The following CADM2 variants were observed in gnomAD, a reference collection of about 807,000 sequenced individuals.
CADM2 encodes the protein immunoglobulin superfamily member 4D.
Under a neutral mutation model 49.8 loss-of-function variants are expected in CADM2, and 12 were observed. That is an observed-to-expected ratio of 0.24 (90% CI 0.15 to 0.39). CADM2 has a LOEUF of 0.39. CADM2 is among the 10% of genes least tolerant of loss of function. The probability of loss-of-function intolerance (pLI) is 1.00; values close to 1 mark genes in which losing one functional copy is unlikely to be tolerated. For missense variants in CADM2, 378 were observed against 492.3 expected, an observed-to-expected ratio of 0.77 and a Z score of 2.20; for synonymous variants, 214 against 175.4, an observed-to-expected ratio of 1.22 and a Z score of -1.74.
At chr3:85,360,530 T>A (rs1235931667) in intron 1 of CADM2, among the ~76,000 whole-genome samples, 3 of 152,202 alleles carry the variant, frequency 2.0e-5, no homozygotes, top group Admixed American at 2.0e-4. Context: ...AGTTAAAAGT[T>A]AATATAACAA....
At chr3:85,209,361 T>C (rs924303468) in intron 1 of CADM2, among the ~76,000 whole-genome samples, 1 of 151,784 alleles carries the variant, frequency 6.6e-6, no homozygotes, top group Admixed American at 6.6e-5. Flanking sequence ...GAGGAGAGTA[T>C]TTTTTCTTTT....
At chr3:85,282,289 T>A (rs1348192839) in intron 1 of CADM2, among the ~76,000 whole-genome samples, 14 of 139,308 alleles carry the variant, frequency 1.0e-4, no homozygotes, top group African/African-American at 3.9e-4. Flanking sequence ...TTTCGGACAG[T>A]CTCACTCTGT....
intron 1 of CADM2, among the ~76,000 whole-genome samples, chr3:85,443,606 A>G (rs569704452): frequency 1.3e-5 from 2 of 152,142 alleles, no homozygotes; most frequent in East Asian, 1.9e-4. Context: ...CTCATTTTTC[A>G]TATTTCTTAT....
chr3:85,585,976 G>T (rs1375557), intron 1 of CADM2, among the ~76,000 whole-genome samples: 78,002 of 151,832 alleles, frequency 0.51, 23,047 homozygotes, highest in East Asian at 0.85. Flanking sequence ...ATATGATACT[G>T]CTTAGTGACT....
intron 2 of CADM2, among the ~76,000 whole-genome samples, chr3:85,782,493 A>G (rs1052895442): frequency 4.6e-5 from 7 of 151,616 alleles, no homozygotes; most frequent in African/African-American, 7.3e-5. Flanking sequence ...TGGCTAACAC[A>G]GTGAAACCCC....
At chr3:85,338,343 A>G (rs2045147196) in intron 1 of CADM2, among the ~76,000 whole-genome samples, 1 of 151,642 alleles carries the variant, frequency 6.6e-6, no homozygotes, top group South Asian at 2.1e-4. Flanking sequence ...GGTTAATCCA[A>G]TCCACCTTTG....
intron 1 of CADM2, among the ~76,000 whole-genome samples, chr3:85,455,007 C>T (rs890418238): frequency 1.3e-5 from 2 of 152,250 alleles, no homozygotes; most frequent in East Asian, 3.9e-4. Flanking sequence ...GATAAGGATT[C>T]ATAGTTGAAA....
At chr3:85,100,567 A>G (rs1019631113) in intron 1 of CADM2, among the ~76,000 whole-genome samples, 4 of 152,184 alleles carry the variant, frequency 2.6e-5, no homozygotes. Context: ...CACTTGCAGG[A>G]GTATTTCTAT....
chr3:85,056,245 C>A (rs140759002), intron 1 of CADM2, among the ~76,000 whole-genome samples: 2 of 151,994 alleles, frequency 1.3e-5, no homozygotes, highest in Non-Finnish European at 1.5e-5. Flanking sequence ...TAATTCATCA[C>A]AAATGAGAGT....
chr3:85,315,749 A>G (rs1179911941), intron 1 of CADM2, among the ~76,000 whole-genome samples: 1 of 152,152 alleles, frequency 6.6e-6, no homozygotes. Context: ...CAGTTTATCT[A>G]TTTCATTTAA....
At chr3:85,531,216 C>G (rs2061302126) in intron 1 of CADM2, among the ~76,000 whole-genome samples, 1 of 152,040 alleles carries the variant, frequency 6.6e-6, no homozygotes, top group African/African-American at 2.4e-5. Context: ...TTTCCCCTCA[C>G]AAGTTCCTAG....
At chr3:85,405,493 GCT>G (rs960382206) in intron 1 of CADM2, among the ~76,000 whole-genome samples, 3 of 152,066 alleles carry the variant, frequency 2.0e-5, no homozygotes, top group Admixed American at 6.6e-5. Flanking sequence ...CAAACCCTAA[GCT>G]CTCTGTGATA....
chr3:85,883,816 G>A (rs1364359814), intron 4 of CADM2, among the ~76,000 whole-genome samples: 1 of 152,108 alleles, frequency 6.6e-6, no homozygotes, highest in African/African-American at 2.4e-5. Context: ...AGTTCAACTT[G>A]TGTTCTATAC....
chr3:86,055,732 A>G (rs1737909478), intron 8 of CADM2, among the ~76,000 whole-genome samples: 1 of 152,104 alleles, frequency 6.6e-6, no homozygotes, highest in Non-Finnish European at 1.5e-5. Context: ...CACGTTGGTG[A>G]TTAAGATTTC....
chr3:85,494,551 A>C (rs536485641), intron 1 of CADM2, among the ~76,000 whole-genome samples: 9 of 152,276 alleles, frequency 5.9e-5, no homozygotes, highest in South Asian at 2.1e-4. Context: ...CTCAGGCATA[A>C]AGTTGATCTC....
intron 2 of CADM2, among the ~76,000 whole-genome samples, chr3:85,762,762 T>C (rs1226919537): frequency 6.6e-6 from 1 of 151,462 alleles, no homozygotes; most frequent in Non-Finnish European, 1.5e-5. Flanking sequence ...ATAGCATCCA[T>C]ATATATGTAT....
At chr3:85,892,549 A>G (rs1190269143) in intron 5 of CADM2, among the ~76,000 whole-genome samples, 3 of 152,074 alleles carry the variant, frequency 2.0e-5, no homozygotes, top group African/African-American at 7.3e-5. Context: ...ATGGCTTTAT[A>G]AAGGCAGTTC....
At chr3:85,358,631 A>G (rs1382293442) in intron 1 of CADM2, among the ~76,000 whole-genome samples, 2 of 152,168 alleles carry the variant, frequency 1.3e-5, no homozygotes, top group Non-Finnish European at 2.9e-5. Flanking sequence ...GATTGATCAA[A>G]GGAAAGAAAT....
intron 6 of CADM2, among the ~76,000 whole-genome samples, chr3:85,934,525 T>G (rs921660117): frequency 3.3e-5 from 5 of 152,106 alleles, no homozygotes; most frequent in Non-Finnish European, 7.4e-5. Flanking sequence ...CTGTGATGTA[T>G]TTTGAATGTT....
Sources: gnomAD v4.1 joint callset for allele counts (sites outside exome capture counted in the v4.1 genomes callset) on GRCh38, gnomAD v4.1.1 for gene constraint, MANE v1.5 for transcripts, NCBI Gene and HGNC (gene_info 2026-07-23, HGNC 2026-07-21) for gene names.